ROBO2: variants seen among roughly 807,000 people sequenced by gnomAD.
ROBO2 encodes roundabout homolog 2.
In ROBO2, 53 loss-of-function variants were observed where a neutral mutation model predicts 160.8. The ratio of observed to expected loss-of-function variants is 0.33; its 90% CI spans 0.26 to 0.41. ROBO2 has a LOEUF of 0.41. Ranked by LOEUF, ROBO2 falls within the 10% of genes least tolerant of loss-of-function variation. The pLI is 1.00. For synonymous variants in ROBO2, 664 were observed against 611.7 expected, an observed-to-expected ratio of 1.09 and a Z score of -1.26; for missense variants, 1,577 against 1,722.4, an observed-to-expected ratio of 0.92 and a Z score of 1.49.
At chr3:77,252,377 C>T (rs1019880706) in intron 2 of ROBO2, among the ~76,000 whole-genome samples, 24 of 152,024 alleles carry the variant, frequency 1.6e-4, no homozygotes, top group African/African-American at 5.8e-4. Flanking sequence ...GAGAAGAGAC[C>T]ACTCTTTTTT....
In ROBO2 at chr3:76,638,021, C is replaced by G. The variant is rs189177679; in HGVS notation, c.110-459993C>G. 7.9e-5 allele frequency among the ~76,000 whole-genome samples: 12 copies of G among 152,262 alleles called. No individual in the cohort carries two copies. In the East Asian group the frequency reaches 2.1e-3, roughly 27 times the overall value. On this transcript the variant is annotated intron_variant, in intron 2 of 26. Coordinates refer to the ROBO2 transcript ENST00000487694. ...CTTATAGTATTAAGTGGCATAAAATCATAGGGTTCCTTTTTGTTTAAAAAA... is the reference window on the plus strand; with the variant it reads ...CTTATAGTATTAAGTGGCATAAAATGATAGGGTTCCTTTTTGTTTAAAAAA...
intron 2 of ROBO2, among the ~76,000 whole-genome samples, chr3:77,284,151 C>G (rs2153376182): frequency 6.6e-6 from 1 of 152,232 alleles, no homozygotes; most frequent in Middle Eastern, 3.4e-3. Context: ...CATTCAATTA[C>G]TTATTGTCTG....
Position 77,127,466 on chromosome 3 carries a change from C to A in ROBO2, c.388+29126C>A, listed in dbSNP as rs1030528897. On this transcript the variant is annotated intron_variant, in intron 2 of 25. Coordinates refer to ENST00000461745, the Ensembl canonical transcript of ROBO2. The stretch of plus-strand genomic sequence containing the variant: ...CCTTTTATTATAGATTATTTTTCAC[C>A]ATGAATTCTAAAATTCTCTTACATT... Among the ~76,000 whole-genome samples, 3 of 152,038 alleles carry A rather than the reference C, an allele frequency of 2.0e-5. No individual in the cohort carries two copies. The South Asian group carries it at 6.2e-4, about 32-fold the overall frequency.
At chr3:76,853,910 G>A (rs989712785) in intron 2 of ROBO2, among the ~76,000 whole-genome samples, 42 of 151,968 alleles carry the variant, frequency 2.8e-4, no homozygotes, top group African/African-American at 9.4e-4. Context: ...AATAAAAAGT[G>A]TGCTGTATAT....
At chr3:77,420,986 G>A (rs923998275) in intron 2 of ROBO2, among the ~76,000 whole-genome samples, 1 of 152,068 alleles carries the variant, frequency 6.6e-6, no homozygotes, top group Non-Finnish European at 1.5e-5. Context: ...CCTTCTTCCA[G>A]CTCAGTCTCT....
chr3:77,251,450 C>G (rs1227104806), intron 2 of ROBO2, among the ~76,000 whole-genome samples: 3 of 152,120 alleles, frequency 2.0e-5, no homozygotes, highest in African/African-American at 7.2e-5. Flanking sequence ...TCTCTCAAAA[C>G]GTTGCTCTCA....
At chr3:77,490,184 T>G (rs556111708) in intron 4 of ROBO2, among the ~76,000 whole-genome samples, 2 of 147,952 alleles carry the variant, frequency 1.4e-5, no homozygotes, top group South Asian at 4.4e-4. Context: ...CACTGCAAGC[T>G]CCGCCTCCCG....
chr3:77,157,152 T>C (rs1356489923), intron 2 of ROBO2, among the ~76,000 whole-genome samples: 2 of 152,190 alleles, frequency 1.3e-5, no homozygotes, highest in East Asian at 3.9e-4. Flanking sequence ...ATTATATGTC[T>C]ATAGAGGTGA....
chr3:77,067,901 T>G (rs1378370036), intron 1 of ROBO2, among the ~76,000 whole-genome samples: 1 of 152,178 alleles, frequency 6.6e-6, no homozygotes, highest in African/African-American at 2.4e-5. Flanking sequence ...CTTTTTTATT[T>G]TATTGATGAG....
chr3:77,230,155 T>A (rs2086991532), intron 2 of ROBO2, among the ~76,000 whole-genome samples: 1 of 152,050 alleles, frequency 6.6e-6, no homozygotes, highest in South Asian at 2.1e-4. Flanking sequence ...TGGCATAAGC[T>A]CATCTCACTG....
At chr3:77,573,747 C>T (rs1360267024) in intron 13 of ROBO2, among the ~76,000 whole-genome samples, 1 of 152,010 alleles carries the variant, frequency 6.6e-6, no homozygotes, top group Non-Finnish European at 1.5e-5. Flanking sequence ...CTTACGAATT[C>T]TTCAGGGATG....
At chr3:77,552,226 A>G (rs1342360540) in intron 8 of ROBO2, among the ~76,000 whole-genome samples, 1 of 152,070 alleles carries the variant, frequency 6.6e-6, no homozygotes, top group African/African-American at 2.4e-5. Flanking sequence ...AAAATAAGAT[A>G]TTCTGTCCAA....
chr3:76,549,667 T>C (rs569079480), intron 2 of ROBO2, among the ~76,000 whole-genome samples: 43 of 152,342 alleles, frequency 2.8e-4, no homozygotes, highest in African/African-American at 4.8e-5. Flanking sequence ...ATCAATAACG[T>C]AGTGACGCAT....
intron 2 of ROBO2, among the ~76,000 whole-genome samples, chr3:76,458,443 T>A (rs2077899747): frequency 6.6e-6 from 1 of 152,132 alleles, no homozygotes; most frequent in Non-Finnish European, 1.5e-5. Context: ...CCTATCAGCA[T>A]TTTGGGCAAA....
At chr3:76,494,282 G>A (rs959849906) in intron 2 of ROBO2, among the ~76,000 whole-genome samples, 1 of 152,164 alleles carries the variant, frequency 6.6e-6, no homozygotes, top group African/African-American at 2.4e-5. Context: ...CTTTAGCTGA[G>A]CCTGCGAATT....
chr3:76,151,796 C>G (rs891498098), intron 2 of ROBO2, among the ~76,000 whole-genome samples: 1 of 152,032 alleles, frequency 6.6e-6, no homozygotes, highest in Non-Finnish European at 1.5e-5. Flanking sequence ...CCATTTCTGT[C>G]TTTGTTATTA....
intron 2 of ROBO2, among the ~76,000 whole-genome samples, chr3:77,026,574 G>C (rs952644539): frequency 2.0e-5 from 3 of 152,126 alleles, no homozygotes; most frequent in African/African-American, 7.2e-5. Context: ...CTTCTGCAAA[G>C]GGCTCAGACT....
chr3:76,789,092 G>A (rs751053056), intron 2 of ROBO2, among the ~76,000 whole-genome samples: 23 of 151,462 alleles, frequency 1.5e-4, no homozygotes, highest in Admixed American at 4.0e-4. Flanking sequence ...GCTTCACATA[G>A]GTTAGGAGGA....
intron 2 of ROBO2, among the ~76,000 whole-genome samples, chr3:76,638,713 T>G (rs2090471203): frequency 6.6e-6 from 1 of 152,204 alleles, no homozygotes; most frequent in Non-Finnish European, 1.5e-5. Flanking sequence ...TGAAGTTCTT[T>G]AGCTTATCAG....
Sources: gnomAD v4.1 joint callset for allele counts (sites outside exome capture counted in the v4.1 genomes callset) on GRCh38, gnomAD v4.1.1 for gene constraint, MANE v1.5 for transcripts, NCBI Gene and HGNC (gene_info 2026-07-23, HGNC 2026-07-21) for gene names.